RARA: variants seen among roughly 807,000 people sequenced by gnomAD.
RARA encodes retinoic acid receptor alpha.
A neutral mutation model predicts 42.8 loss-of-function variants in RARA; 5 were observed. The observed-to-expected ratio is 0.12, with a 90% CI of 0.06 to 0.25. RARA has a LOEUF of 0.25. Ranked by LOEUF, RARA falls within the 10% of genes least tolerant of loss-of-function variation. The pLI is 1.00. For synonymous variants in RARA, 256 were observed against 259.5 expected (o/e 0.99, Z 0.13); for missense variants, 402 against 628.7 (o/e 0.64, Z 3.86).
chr17:40,338,099 C>T (rs934105486), intron 2 of RARA, among the ~76,000 whole-genome samples: 6 of 152,206 alleles, frequency 3.9e-5, no homozygotes, highest in Non-Finnish European at 5.9e-5. Context: ...AGCATAGACG[C>T]GGGGAGGGAA....
Position 40,331,034 on chromosome 17 carries a change from G to T in RARA, c.-185G>T. 4.8e-6 allele frequency: 3 copies of T among 623,520 alleles called. No individual in the cohort carries two copies. The allele number at this position is 623,520 out of a possible 1,614,324, so 38.6% of individuals were successfully genotyped here. A position where few individuals can be genotyped will look rare whatever the true frequency, so the allele number is the denominator to read the frequency against. On this transcript the variant is annotated 5_prime_UTR_variant, in exon 2 of 9. Transcript: ENST00000254066. ...CCAACCCACCTGGCCCCCAGCTAGG[G>T]TGGGGGCTCCAGGAGACTGAGATTA...
intron 1 of RARA, among the ~76,000 whole-genome samples, chr17:40,314,464 G>T (rs535777352): frequency 6.6e-6 from 1 of 151,942 alleles, no homozygotes; most frequent in Non-Finnish European, 1.5e-5. Flanking sequence ...GGTGGGGCAG[G>T]TGGGAGAGTG....
At chr17:40,310,888 G>A (rs997607807) in intron 1 of RARA, among the ~76,000 whole-genome samples, 41 of 152,148 alleles carry the variant, frequency 2.7e-4, no homozygotes, top group African/African-American at 9.2e-4. Context: ...CAATCTCTCC[G>A]CCTTTAGTTT....
In RARA at chr17:40,334,283, A is replaced by G. The variant is rs60048921; in HGVS notation, c.178+2887A>G. ...TAGCCTTCTTCGGCTTTCTCCACCC[A>G]GGTTAGGCAATGCCCCCTTCCTGCC... On this transcript the variant is annotated intron_variant, in intron 2 of 8. Coordinates refer to ENST00000254066, the MANE Select transcript of RARA (RefSeq NM_000964.4). Among the ~76,000 whole-genome samples the G allele has an allele frequency of 1.8e-4, 28 of 152,154 alleles. 1 individual carries two copies. The East Asian group carries it at 5.4e-3, about 29-fold the overall frequency.
rs1244673758 is a variant in RARA, at chr17:40,346,558, G to A, written c.179-1758G>A. 4.0e-5 allele frequency among the ~76,000 whole-genome samples: 6 copies of A among 149,612 alleles called. No homozygotes were observed. The South Asian group carries it at 8.4e-4, about 21-fold the overall frequency. ...GATTGTCTATTGTTACTGCTTTTAC[G>A]TCTTGGAAAAAGTTAGCACAACAAA... On this transcript the variant is annotated intron_variant, in intron 2 of 8. Transcript: ENST00000254066.
In RARA at chr17:40,354,367, C is replaced by T. The variant is rs771962505; in HGVS notation, c.873C>T (p.Thr291=). ...QDTMTFSDGL[T]LNRTQMHNAG... ...CCATGACCTTCTCGGACGGGCTGAC[C>T]CTGAACCGGACCCAGATGCACAACG... Residue 291 remains threonine (T), a synonymous_variant, in exon 7 of 9, where the codon ACC becomes ACT. Coordinates refer to ENST00000254066, the MANE Select transcript of RARA (RefSeq NM_000964.4). The surrounding 1 kb of genome is among the most constrained non-coding windows in gnomAD (Gnocchi z 4.5). The T allele has an allele frequency of 1.2e-6, 2 of 1,614,102 alleles. No homozygotes were observed. The highest frequency in any genetic ancestry group is 1.7e-6 in the Non-Finnish European group (2 of 1,180,056).
chr17:40,348,622 TC>T (rs2034344764), intron 3 of RARA, 158 bp downstream of exon 3: 2 of 875,664 alleles, frequency 2.3e-6, no homozygotes, highest in Non-Finnish European at 1.6e-6. Context: ...TACCACAGTT[TC>T]CCCACAGGTC....
intron 1 of RARA, among the ~76,000 whole-genome samples, chr17:40,314,353 A>G (rs919818220): frequency 9.9e-5 from 15 of 152,042 alleles, no homozygotes; most frequent in Admixed American, 8.5e-4. Flanking sequence ...GTGCATGTGT[A>G]TATGAGGGGA....
intron 1 of RARA, among the ~76,000 whole-genome samples, chr17:40,323,742 CA>C (rs1271339307): frequency 3.7e-5 from 3 of 81,152 alleles, no homozygotes; most frequent in Non-Finnish European, 4.9e-5. Flanking sequence ...GGGGGGGGGT[CA>C]ATGGGTCGGA....
rs2034471171 is a variant in RARA, at chr17:40,352,010, G to A, written c.570G>A (p.Lys190=). 1 of 1,598,648 alleles carries A rather than the reference G, an allele frequency of 6.3e-7. No homozygotes were observed. Among genetic ancestry groups the A allele is most frequent in the African/African-American group, 1.4e-5 (1 of 73,524 alleles). ...CGGAGGTGGGGGAGCTCATTGAGAA[G>A]GTGCGCAAAGCGCACCAGGAAACCT... The part of the protein sequence containing the change: ...LTPEVGELIE[K]VRKAHQETFP... Residue 190 remains lysine, a synonymous_variant, in exon 5 of 9, where the codon AAG becomes AAA. Transcript: ENST00000254066. The surrounding 1 kb of genome is among the most constrained non-coding windows in gnomAD (Gnocchi z 4.9).
chr17:40,319,454 C>T (rs2033307309), intron 1 of RARA, among the ~76,000 whole-genome samples: 1 of 152,160 alleles, frequency 6.6e-6, no homozygotes, highest in Non-Finnish European at 1.5e-5. Flanking sequence ...AGGTTGCCTT[C>T]TGTCTGATGG....
At chr17:40,314,980 C>T (rs985017890) in intron 1 of RARA, among the ~76,000 whole-genome samples, 1 of 151,628 alleles carries the variant, frequency 6.6e-6, no homozygotes, top group Admixed American at 6.6e-5. Flanking sequence ...GCGCTTCTCC[C>T]TTGTGATCCA....
intron 6 of RARA, among the ~76,000 whole-genome samples, chr17:40,353,679 C>T (rs2034523948): frequency 6.6e-6 from 1 of 152,224 alleles, no homozygotes; most frequent in Admixed American, 6.5e-5. Context: ...CGGTCTCGAA[C>T]TCCTGACCTC....
chr17:40,346,910 G>A (rs1267143076), intron 2 of RARA, among the ~76,000 whole-genome samples: 1 of 152,242 alleles, frequency 6.6e-6, no homozygotes, highest in Non-Finnish European at 1.5e-5. Flanking sequence ...GTGGTGCCCA[G>A]GCACTACTAA....
chr17:40,349,664 G>A (rs1200957233), intron 3 of RARA, 120 bp from the exon 4 acceptor site: 28 of 1,317,170 alleles, frequency 2.1e-5, no homozygotes, highest in African/African-American at 2.9e-5. Flanking sequence ...TCAGGTAGGC[G>A]ATGGGCAAAC....
At position 40,356,134 on chromosome 17, in the gene RARA, G is replaced by GGGGGCCCCCCC; in HGVS notation, c.1297_1298insGGGGCCCCCCC (p.Asp433GlyfsTer214). Reference sequence around the variant, plus strand: ...CGGACAGCCGGGGGGTGGGGGGCGGGACGGGGGTGGCCTGGCCCCCCCGCC... The same window carrying GGGGGCCCCCCC: ...CGGACAGCCGGGGGGTGGGGGGCGGGGGGGCCCCCCCACGGGGGTGGCCTGGCCCCCCCGCC... On this transcript the variant is annotated frameshift_variant, in exon 9 of 9. Transcript: ENST00000254066. LOFTEE classifies it high-confidence loss of function. The GGGGGCCCCCCC allele has an allele frequency of 2.0e-6, 1 of 490,956 alleles. No individual in the cohort carries two copies. The highest frequency in any genetic ancestry group is 3.9e-6 in the Non-Finnish European group (1 of 255,422). The allele number at this position is 490,956 out of a possible 1,614,324, so 30.4% of individuals were successfully genotyped here.
intron 2 of RARA, among the ~76,000 whole-genome samples, chr17:40,335,747 G>A (rs1249604398): frequency 3.9e-5 from 6 of 151,968 alleles, no homozygotes; most frequent in African/African-American, 1.5e-4. Flanking sequence ...AGTGGCGCCT[G>A]CCTGTAATCC....
At chr17:40,341,793 G>A (rs2034057179) in intron 2 of RARA, 1 of 1,259,840 alleles carries the variant, frequency 7.9e-7, no homozygotes, top group African/African-American at 1.6e-5. Flanking sequence ...GCTCGGCCAG[G>A]GACTGACCAA....
chr17:40,348,197 C>G, intron 2 of RARA, 119 bp from the exon 3 acceptor site: 1 of 1,280,020 alleles, frequency 7.8e-7, no homozygotes, highest in Non-Finnish European at 1.0e-6. Flanking sequence ...AGACTTGAAT[C>G]CTGCCAGCAG....
Sources: allele counts gnomAD v4.1 joint callset (sites outside exome capture counted in the v4.1 genomes callset), GRCh38; gene constraint gnomAD v4.1.1; non-coding constraint Gnocchi (gnomAD v3.1); transcripts MANE v1.5; gene names NCBI Gene and HGNC (gene_info 2026-07-23, HGNC 2026-07-21).